RPTOR: variants seen among roughly 807,000 people sequenced by gnomAD.
RPTOR encodes regulatory-associated protein of mTOR.
In RPTOR, 21 loss-of-function variants were observed where a neutral mutation model predicts 169.9. The ratio of observed to expected loss-of-function variants is 0.12; its 90% confidence interval spans 0.09 to 0.18. RPTOR has a LOEUF of 0.18. Among genes scored for constraint, RPTOR ranks in the 10% least tolerant of loss-of-function variants. The pLI is 1.00. For missense variants in RPTOR, 1,133 were observed against 1,855.9 expected, an observed-to-expected ratio of 0.61 and a Z score of 7.16; for synonymous variants, 732 against 753.2, an observed-to-expected ratio of 0.97 and a Z score of 0.46.
intron 6 of RPTOR, among the ~76,000 whole-genome samples, chr17:80,770,655 T>C (rs983718494): frequency 1.3e-5 from 2 of 152,232 alleles, no homozygotes; most frequent in Non-Finnish European, 2.9e-5. Flanking sequence ...CAAGAAGCCA[T>C]GCTGTTTGCA....
At chr17:80,898,882 G>C (rs2068441135) in intron 20 of RPTOR, among the ~76,000 whole-genome samples, 2 of 151,986 alleles carry the variant, frequency 1.3e-5, no homozygotes. Flanking sequence ...AGCAGCGCAT[G>C]ACAGGAGCCC....
chr17:80,911,052 C>T (rs1039785669), intron 21 of RPTOR, among the ~76,000 whole-genome samples: 8 of 152,008 alleles, frequency 5.3e-5, no homozygotes, highest in South Asian at 2.1e-4. Flanking sequence ...AGGATGGTCT[C>T]GGTCTCTTGA....
rs2067716783 is a variant in RPTOR at position 80,845,358 on chromosome 17, G to A, written c.1213-1115G>A. Among the ~76,000 whole-genome samples, 1 of 151,938 alleles carries A rather than the reference G, an allele frequency of 6.6e-6. No homozygotes were observed. Among genetic ancestry groups the A allele is most frequent in the Non-Finnish European group, 1.5e-5 (1 of 67,956 alleles). On this transcript the variant is annotated intron_variant, in intron 10 of 33. Coordinates refer to ENST00000306801, the MANE Select transcript of RPTOR (RefSeq NM_020761.3). The surrounding 1 kb of genome is among the most constrained non-coding windows in gnomAD (Gnocchi z 5.4). ...TTTTTTTGGTCTCCCTCACCCGCGC[G>A]CCTTCTCTGTCCAGCTGCAACCCCT...
Position 80,960,739 on chromosome 17 carries a change from C to T in RPTOR, c.3605+534C>T, listed in dbSNP as rs546802993. On this transcript the variant is annotated intron_variant, in intron 30 of 33. Coordinates refer to ENST00000306801, the MANE Select transcript of RPTOR (RefSeq NM_020761.3). The surrounding 1 kb of genome is among the most constrained non-coding windows in gnomAD (Gnocchi z 4.8). Reference sequence around the variant, plus strand: ...ATGGGCACAGCAGCCCTGGGCACTGCCTCCACTGAGCACCCCTGTGGGCAG... The same window carrying T: ...ATGGGCACAGCAGCCCTGGGCACTGTCTCCACTGAGCACCCCTGTGGGCAG... 2.3e-5 allele frequency: 4 copies of T among 173,196 alleles called. No homozygotes were observed. Among genetic ancestry groups the T allele is most frequent in the African/African-American group, 4.7e-5 (2 of 42,488 alleles). The allele number at this position is 173,196 out of a possible 1,614,324, so 10.7% of individuals were successfully genotyped here.
At position 80,709,657 on chromosome 17, in the gene RPTOR, C is replaced by T. The variant is rs571026600; in HGVS notation, c.507+1658C>T. 5.3e-5 allele frequency among the ~76,000 whole-genome samples: 8 copies of T among 152,268 alleles called. 1 individual carries two copies. Among genetic ancestry groups the T allele is most frequent in the Admixed American group, 3.3e-4 (5 of 15,302 alleles). ...TTCCCATCTTGTTTCTGCTGTAAAC[C>T]GCGTGAGTGTTTCAGCTGCCCACCT... On this transcript the variant is annotated intron_variant, in intron 4 of 33. Transcript: ENST00000306801.
At chr17:80,662,724 G>A (rs1381704614) in intron 3 of RPTOR, among the ~76,000 whole-genome samples, 1 of 152,176 alleles carries the variant, frequency 6.6e-6, no homozygotes, top group Non-Finnish European at 1.5e-5. Flanking sequence ...GCAAGCTAGG[G>A]ATGATGGCTG....
intron 13 of RPTOR, among the ~76,000 whole-genome samples, chr17:80,858,308 C>T (rs1224918951): frequency 2.0e-5 from 3 of 152,354 alleles, no homozygotes; most frequent in East Asian, 3.9e-4. Context: ...CATTGGCTCT[C>T]CTGTGCCCAC....
chr17:80,870,888 T>C (rs79263048), intron 13 of RPTOR, among the ~76,000 whole-genome samples: 425 of 152,368 alleles, frequency 2.8e-3, no homozygotes, highest in Non-Finnish European at 5.2e-3. Context: ...AATGAACTTA[T>C]GTTGATCAGT....
chr17:80,940,875 C>T (rs535986277), intron 25 of RPTOR, among the ~76,000 whole-genome samples: 105 of 152,344 alleles, frequency 6.9e-4, no homozygotes, highest in Non-Finnish European at 9.0e-4. Flanking sequence ...AGGGCTCTCC[C>T]GGGACCCTGC....
In RPTOR at chr17:80,726,340, G is replaced by A. The variant is rs976812488; in HGVS notation, c.508-4220G>A. ...TCCAGCCCCAGCAGGACTGGGCCAC[G>A]AGGACCCTGCCGGTAACCTGGTGCT... On this transcript the variant is annotated intron_variant, in intron 4 of 33. Transcript: ENST00000306801. The surrounding 1 kb of genome is among the most constrained non-coding windows in gnomAD (Gnocchi z 4.5). 3.9e-5 allele frequency among the ~76,000 whole-genome samples: 6 copies of A among 152,164 alleles called. No individual in the cohort carries two copies. The highest frequency in any genetic ancestry group is 8.8e-5 in the Non-Finnish European group (6 of 68,014).
At chr17:80,866,014 A>G (rs1325277327) in intron 13 of RPTOR, among the ~76,000 whole-genome samples, 1 of 152,192 alleles carries the variant, frequency 6.6e-6, no homozygotes, top group Non-Finnish European at 1.5e-5. Context: ...AAACTTTTAG[A>G]TAAATAAATG....
At chr17:80,862,451 C>T (rs981027346) in intron 13 of RPTOR, among the ~76,000 whole-genome samples, 15 of 151,900 alleles carry the variant, frequency 9.9e-5, no homozygotes, top group East Asian at 1.9e-4. Context: ...ATGTTGCTGG[C>T]GGTCCTCCGG....
chr17:80,745,519 TATG>T (rs34096862), intron 5 of RPTOR, among the ~76,000 whole-genome samples: 64,526 of 151,924 alleles, frequency 0.42, 14,343 homozygotes, highest in Non-Finnish European at 0.49. Flanking sequence ...ATATTAAAAA[TATG>T]ATTTCTGCTT....
chr17:80,889,836 CGGCCTCCG>C (rs2068294998), intron 17 of RPTOR, among the ~76,000 whole-genome samples: 2 of 121,044 alleles, frequency 1.7e-5, no homozygotes, highest in African/African-American at 3.1e-5. Flanking sequence ...GCAGGATGTG[CGGCCTCCG>C]AGGGAGGCCC....
chr17:80,683,718 T>G (rs1051687230), intron 3 of RPTOR, among the ~76,000 whole-genome samples: 1 of 152,222 alleles, frequency 6.6e-6, no homozygotes, highest in Non-Finnish European at 1.5e-5. Flanking sequence ...ATTTTGATGC[T>G]CCAGTTGTCC....
chr17:80,802,291 C>T (rs1294720871), intron 7 of RPTOR: 3 of 152,334 alleles, frequency 2.0e-5, no homozygotes, highest in African/African-American at 4.8e-5. Context: ...CTGCACCTCC[C>T]AGCATCCTAA....
chr17:80,626,693 C>T (rs1276551828), intron 2 of RPTOR, among the ~76,000 whole-genome samples: 4 of 149,534 alleles, frequency 2.7e-5, no homozygotes, highest in Non-Finnish European at 5.9e-5. Context: ...GGAATTTGAA[C>T]CTATGCAGTT....
intron 6 of RPTOR, among the ~76,000 whole-genome samples, chr17:80,787,269 T>C (rs2067002649): frequency 6.6e-6 from 1 of 152,246 alleles, no homozygotes. Flanking sequence ...ATGTGGACAT[T>C]TCCCACTTAG....
At chr17:80,724,586 G>A (rs751490966) in intron 4 of RPTOR, among the ~76,000 whole-genome samples, 5 of 152,266 alleles carry the variant, frequency 3.3e-5, no homozygotes, top group East Asian at 3.9e-4. Flanking sequence ...TTCTACCATC[G>A]CAACAGCGGC....
Sources: gnomAD v4.1 joint callset for allele counts (sites outside exome capture counted in the v4.1 genomes callset) on GRCh38, gnomAD v4.1.1 for gene constraint, Gnocchi (gnomAD v3.1) non-coding constraint, MANE v1.5 for transcripts, NCBI Gene and HGNC (gene_info 2026-07-23, HGNC 2026-07-21) for gene names.